Variants in TSNAX observed in about 807,000 individuals in gnomAD.
The protein encoded by TSNAX is translin-associated protein X.
Under a neutral mutation model 33.0 loss-of-function variants are expected in TSNAX, and 12 were observed. The ratio of observed to expected loss-of-function variants is 0.36; its 90% confidence interval spans 0.23 to 0.59. The LOEUF (loss-of-function observed/expected upper bound fraction) is 0.59, where lower values mean the gene tolerates loss of function less well. Ranked by LOEUF, TSNAX falls within the 20% of genes least tolerant of loss-of-function variation. TSNAX has a pLI of 0.74. For synonymous variants in TSNAX, 110 were observed against 117.2 expected (o/e 0.94, Z 0.40); for missense variants, 267 against 341.3 (o/e 0.78, Z 1.72).
chr1:231,552,350 A>G (rs1660373656), intron 4 of TSNAX, among the ~76,000 whole-genome samples: 1 of 152,184 alleles, frequency 6.6e-6, no homozygotes, highest in African/African-American at 2.4e-5. Flanking sequence ...GTGGAATTCT[A>G]TTTAGAGTTT....
At chr1:231,540,929 G>A (rs932749698) in intron 3 of TSNAX, among the ~76,000 whole-genome samples, 2 of 152,068 alleles carry the variant, frequency 1.3e-5, no homozygotes, top group East Asian at 1.9e-4. Context: ...AGCTACTCCT[G>A]TTTCGTTTGA....
chr1:231,557,333 T>C (rs1434874348), intron 4 of TSNAX, among the ~76,000 whole-genome samples: 1 of 152,090 alleles, frequency 6.6e-6, no homozygotes, highest in African/African-American at 2.4e-5. Flanking sequence ...CAGGAGATGA[T>C]GCTGTCAAAG....
chr1:231,529,378 A>G lies in TSNAX; in HGVS notation c.121+19A>G. On this transcript the variant is annotated intron_variant, in intron 2 of 5. Coordinates refer to ENST00000366639, the MANE Select transcript of TSNAX (RefSeq NM_005999.3). Reference sequence around the variant, plus strand: ...TTTAAATGTAAGTTCTCTGCAATGTAAGTTGAAGAAGGGGAGAGAACAAAA... The same window carrying G: ...TTTAAATGTAAGTTCTCTGCAATGTGAGTTGAAGAAGGGGAGAGAACAAAA... 1 of 1,610,122 alleles carries G rather than the reference A, an allele frequency of 6.2e-7. No homozygotes were observed. The highest frequency in any genetic ancestry group is 8.5e-7 in the Non-Finnish European group (1 of 1,176,652).
At chr1:231,535,157 C>T (rs1659078504) in intron 2 of TSNAX, 1 of 152,174 alleles carries the variant, frequency 6.6e-6, no homozygotes, top group Admixed American at 6.5e-5. Flanking sequence ...CATGAATTTA[C>T]TATGAAAAGA....
intron 3 of TSNAX, among the ~76,000 whole-genome samples, chr1:231,540,741 C>T (rs113752542): frequency 5.9e-5 from 9 of 152,142 alleles, no homozygotes; most frequent in African/African-American, 1.7e-4. Flanking sequence ...CCTCTCTTGA[C>T]GATAATTGTA....
At chr1:231,558,211 AG>A (rs1215513939) in intron 4 of TSNAX, among the ~76,000 whole-genome samples, 1 of 152,092 alleles carries the variant, frequency 6.6e-6, no homozygotes, top group Non-Finnish European at 1.5e-5. Flanking sequence ...CTGCCCAAGG[AG>A]GTGGCTTACT....
chr1:231,530,710 CAAAAA>C (rs59803472), intron 2 of TSNAX, among the ~76,000 whole-genome samples: 1 of 73,208 alleles, frequency 1.4e-5, no homozygotes, highest in Non-Finnish European at 2.9e-5. Flanking sequence ...GGCTCCGTCT[CAAAAA>C]AAAAAAAAAA....
intron 5 of TSNAX, among the ~76,000 whole-genome samples, chr1:231,561,584 G>A (rs1661117081): frequency 6.6e-6 from 1 of 152,132 alleles, no homozygotes; most frequent in South Asian, 2.1e-4. Context: ...ACCATATGTG[G>A]TAAGCATTAT....
intron 2 of TSNAX, among the ~76,000 whole-genome samples, chr1:231,533,394 C>A (rs1302437472): frequency 6.6e-6 from 1 of 152,206 alleles, no homozygotes; most frequent in Non-Finnish European, 1.5e-5. Flanking sequence ...AGCCATCGCG[C>A]CCGGCCCGGA....
At chr1:231,544,804 G>A (rs908717354) in intron 4 of TSNAX, among the ~76,000 whole-genome samples, 3 of 152,214 alleles carry the variant, frequency 2.0e-5, no homozygotes, top group Non-Finnish European at 4.4e-5. Context: ...ATATTCAGTA[G>A]ATTATTTCCT....
chr1:231,563,559 A>C (rs547404651), intron 5 of TSNAX: 5 of 155,086 alleles, frequency 3.2e-5, no homozygotes, highest in African/African-American at 9.6e-5. Context: ...GAGATGGGTC[A>C]AGGTCATTTG....
At chr1:231,556,244 C>A (rs1660686023) in intron 4 of TSNAX, among the ~76,000 whole-genome samples, 1 of 152,038 alleles carries the variant, frequency 6.6e-6, no homozygotes, top group South Asian at 2.1e-4. Flanking sequence ...TTAGTAAAAT[C>A]AACTAGGTAC....
At chr1:231,553,203 A>G (rs1213090830) in intron 4 of TSNAX, among the ~76,000 whole-genome samples, 1 of 152,240 alleles carries the variant, frequency 6.6e-6, no homozygotes, top group African/African-American at 2.4e-5. Context: ...GTTCAAATTT[A>G]TAATGAAACC....
At chr1:231,554,019 C>T (rs187866641) in intron 4 of TSNAX, among the ~76,000 whole-genome samples, 2 of 152,252 alleles carry the variant, frequency 1.3e-5, no homozygotes, top group East Asian at 3.9e-4. Flanking sequence ...CAAAAATGGC[C>T]ACCTCATCTC....
At chr1:231,556,691 CCCTA>C (rs1378526066) in intron 4 of TSNAX, among the ~76,000 whole-genome samples, 2 of 152,124 alleles carry the variant, frequency 1.3e-5, no homozygotes, top group Non-Finnish European at 2.9e-5. Context: ...TATACTGTCT[CCCTA>C]CCTACCTATT....
intron 5 of TSNAX, among the ~76,000 whole-genome samples, chr1:231,562,995 C>T (rs1407909979): frequency 6.6e-6 from 1 of 152,046 alleles, no homozygotes; most frequent in Non-Finnish European, 1.5e-5. Context: ...ATGATGAGGA[C>T]GTTGCACCAA....
rs1661404973 is a variant in TSNAX at position 231,565,966 on chromosome 1, T to C, written c.*1061T>C. 6.6e-6 allele frequency: 1 copy of C among 152,162 alleles called. No homozygotes were observed. Among genetic ancestry groups the C allele is most frequent in the African/African-American group, 2.4e-5 (1 of 41,450 alleles). The allele number at this position is 152,162 out of a possible 1,614,324, so 9.4% of individuals were successfully genotyped here. On this transcript the variant is annotated 3_prime_UTR_variant, in exon 6 of 6. Coordinates refer to ENST00000366639, the MANE Select transcript of TSNAX (RefSeq NM_005999.3). The stretch of plus-strand genomic sequence containing the variant: ...TTGGTAAAGTTGAGTTATATACTTG[T>C]ACATACAATGGAAATGCTTTTAGTA...
At chr1:231,558,856 T>G (rs1660857059) in intron 4 of TSNAX, among the ~76,000 whole-genome samples, 1 of 152,158 alleles carries the variant, frequency 6.6e-6, no homozygotes. Flanking sequence ...CTCAGAACAT[T>G]ATGGTTTGTT....
intron 4 of TSNAX, among the ~76,000 whole-genome samples, chr1:231,553,384 G>A (rs2124928915): frequency 6.6e-6 from 1 of 152,272 alleles, no homozygotes; most frequent in Non-Finnish European, 1.5e-5. Flanking sequence ...TTACATAAAA[G>A]CAACCTACAG....
Sources: gnomAD v4.1 joint callset for allele counts (sites outside exome capture counted in the v4.1 genomes callset) on GRCh38, gnomAD v4.1.1 for gene constraint, MANE v1.5 for transcripts, NCBI Gene and HGNC (gene_info 2026-07-23, HGNC 2026-07-21) for gene names.